PBX1: variants seen among roughly 807,000 people sequenced by gnomAD.
PBX1 encodes PBX homeobox 1.
In PBX1, 6 loss-of-function variants were observed where a neutral mutation model predicts 53.4. The ratio of observed to expected loss-of-function variants is 0.11; its 90% confidence interval spans 0.06 to 0.22. The LOEUF is 0.22. PBX1 is among the 10% of genes least tolerant of loss of function. The pLI, the probability that PBX1 is intolerant of heterozygous loss-of-function variation, is 1.00. For missense variants in PBX1, 251 were observed against 551.4 expected (o/e 0.46, Z 5.46); for synonymous variants, 204 against 212.3 (o/e 0.96, Z 0.34).
chr1:164,737,199 G>A (rs752272332), intron 2 of PBX1, among the ~76,000 whole-genome samples: 10 of 152,184 alleles, frequency 6.6e-5, no homozygotes, highest in Non-Finnish European at 1.5e-4. Context: ...GGACTGACAA[G>A]CTTTTTAGTT....
At chr1:164,783,637 CT>C (rs1668032986) in intron 2 of PBX1, among the ~76,000 whole-genome samples, 1 of 152,076 alleles carries the variant, frequency 6.6e-6, no homozygotes, top group Non-Finnish European at 1.5e-5. Flanking sequence ...TTATTTAATC[CT>C]TAGTAAGAAT....
intron 2 of PBX1, among the ~76,000 whole-genome samples, chr1:164,656,365 C>G (rs1660163565): frequency 6.6e-6 from 1 of 152,170 alleles, no homozygotes; most frequent in Non-Finnish European, 1.5e-5. Flanking sequence ...GGCAAATGTT[C>G]AGTACATCTC....
chr1:164,759,133 C>T (rs1286450049), intron 2 of PBX1, among the ~76,000 whole-genome samples: 1 of 152,188 alleles, frequency 6.6e-6, no homozygotes, highest in East Asian at 1.9e-4. Flanking sequence ...TGTATTTCTA[C>T]TTAATATAGT....
rs993197907 is a variant in PBX1, at chr1:164,847,106, C to T, written c.*430C>T. ...GGTTTGAGGAGCCAAATTTACCTCA[C>T]TCGAATCCCTCACTCCCTATGTTAA... On this transcript the variant is annotated 3_prime_UTR_variant, in exon 9 of 9. Transcript: ENST00000420696. The T allele has an allele frequency of 9.1e-7, 1 of 1,097,790 alleles. No homozygotes were observed. The highest frequency in any genetic ancestry group is 1.1e-6 in the Non-Finnish European group (1 of 896,748). The allele number at this position is 1,097,790 out of a possible 1,614,324, so 68.0% of individuals were successfully genotyped here. A position where few individuals can be genotyped will look rare whatever the true frequency, so the allele number is the denominator to read the frequency against.
intron 2 of PBX1, chr1:164,703,266 T>C (rs1311648749): frequency 1.3e-5 from 2 of 152,192 alleles, no homozygotes; most frequent in Non-Finnish European, 2.9e-5. Context: ...TCCTGCTGCC[T>C]CAGCATCCCA....
chr1:164,847,240 C>T lies in PBX1; in HGVS notation c.*564C>T, dbSNP rs529120684. 64 of 1,073,758 alleles carry T rather than the reference C, an allele frequency of 6.0e-5. No individual in the cohort carries two copies. The South Asian group carries it at 2.7e-3, about 46-fold the overall frequency. 66.5% of individuals were successfully genotyped at this position (1,073,758 alleles called of 1,614,324 possible). A position where few individuals can be genotyped will look rare whatever the true frequency, so the allele number is the denominator to read the frequency against. Reference sequence around the variant, plus strand: ...CCCTGCTTCCTCTTGCTCTTCCTCCCTGGGGACAGTACTGATTGGAACACT... The same window carrying T: ...CCCTGCTTCCTCTTGCTCTTCCTCCTTGGGGACAGTACTGATTGGAACACT... On this transcript the variant is annotated 3_prime_UTR_variant, in exon 9 of 9. Transcript: ENST00000420696.
intron 2 of PBX1, among the ~76,000 whole-genome samples, chr1:164,579,503 C>T (rs2101735767): frequency 6.6e-6 from 1 of 152,288 alleles, no homozygotes; most frequent in East Asian, 1.9e-4. Flanking sequence ...AAGGAAATAG[C>T]TGCCTGTCTC....
At chr1:164,609,294 T>G (rs1656752311) in intron 2 of PBX1, among the ~76,000 whole-genome samples, 1 of 152,134 alleles carries the variant, frequency 6.6e-6, no homozygotes, top group Non-Finnish European at 1.5e-5. Flanking sequence ...GGACACAAAA[T>G]TGAGCGTGCT....
At chr1:164,811,685 A>G (rs1185399581) in intron 5 of PBX1, among the ~76,000 whole-genome samples, 1 of 152,222 alleles carries the variant, frequency 6.6e-6, no homozygotes, top group African/African-American at 2.4e-5. Flanking sequence ...TGAAGATGTA[A>G]GCAAATTTAA....
chr1:164,686,074 G>C (rs1662074334), intron 2 of PBX1, among the ~76,000 whole-genome samples: 1 of 152,148 alleles, frequency 6.6e-6, no homozygotes, highest in African/African-American at 2.4e-5. Flanking sequence ...AATTTCTCCA[G>C]CCCTCCATTT....
Position 164,859,232 on chromosome 1 carries a change from G to A in PBX1, n.257+27749G>A, listed in dbSNP as rs529774711. On this transcript the variant is annotated intron_variant and non_coding_transcript_variant, in intron 2 of 2. Coordinates refer to the PBX1 transcript ENST00000558796. ...TCTCTTACCTCAAATCTAAGAAAAA[G>A]GGCCTTCTGTCCAGGCTGGCCTGGA... is the stretch of plus-strand genomic sequence containing the variant. 1.1e-3 allele frequency among the ~76,000 whole-genome samples: 172 copies of A among 152,284 alleles called. No homozygotes were observed. The Middle Eastern group carries it at 0.02, about 18-fold the overall frequency.
At chr1:164,579,451 G>A (rs1391863300) in intron 2 of PBX1, among the ~76,000 whole-genome samples, 3 of 152,004 alleles carry the variant, frequency 2.0e-5, no homozygotes, top group Non-Finnish European at 4.4e-5. Flanking sequence ...GTGATATTCC[G>A]TGTGATGTCT....
intron 2 of PBX1, among the ~76,000 whole-genome samples, chr1:164,667,498 C>T (rs1660874515): frequency 1.3e-5 from 2 of 151,922 alleles, no homozygotes; most frequent in Non-Finnish European, 2.9e-5. Flanking sequence ...GGCAGAACTA[C>T]AGAGAAGCAG....
At chr1:164,707,426 AG>A in intron 2 of PBX1, among the ~76,000 whole-genome samples, 1 of 89,770 alleles carries the variant, frequency 1.1e-5, no homozygotes, top group Non-Finnish European at 2.4e-5. Flanking sequence ...TGTGAGAGAG[AG>A]AGAGAGAGAG....
intron 6 of PBX1, chr1:164,814,683 T>G (rs1172705687): frequency 6.6e-6 from 1 of 152,386 alleles, no homozygotes; most frequent in Non-Finnish European, 1.5e-5. Flanking sequence ...CAGATTGTAG[T>G]GAGCTGAGAC....
intron 2 of PBX1, among the ~76,000 whole-genome samples, chr1:164,690,412 C>A (rs1421043599): frequency 6.6e-6 from 1 of 152,146 alleles, no homozygotes; most frequent in African/African-American, 2.4e-5. Flanking sequence ...AAAGGTCTCT[C>A]TAGAGTTGTG....
At chr1:164,789,343 G>A (rs1256111700) in intron 2 of PBX1, among the ~76,000 whole-genome samples, 1 of 152,164 alleles carries the variant, frequency 6.6e-6, no homozygotes, top group Non-Finnish European at 1.5e-5. Context: ...AACTGAGAGG[G>A]GTTGGAAAGA....
At chr1:164,710,102 GTGTCT>G (rs1663668350) in intron 2 of PBX1, among the ~76,000 whole-genome samples, 1 of 152,228 alleles carries the variant, frequency 6.6e-6, no homozygotes, top group Admixed American at 6.5e-5. Context: ...GCTTAGGTCA[GTGTCT>G]GACACATACA....
intron 2 of PBX1, among the ~76,000 whole-genome samples, chr1:164,762,920 A>G (rs1486205016): frequency 5.9e-5 from 9 of 152,220 alleles, no homozygotes; most frequent in African/African-American, 2.2e-4. Context: ...AATTTGTAAT[A>G]AACTGAAAAA....
Sources: allele counts gnomAD v4.1 joint callset (sites outside exome capture counted in the v4.1 genomes callset), GRCh38; gene constraint gnomAD v4.1.1; transcripts MANE v1.5; gene names NCBI Gene and HGNC (gene_info 2026-07-23, HGNC 2026-07-21).